The following TBCE variants were observed in gnomAD, a reference collection of about 807,000 sequenced individuals.
TBCE encodes the protein tubulin-specific chaperone E.
Under a neutral mutation model 77.0 loss-of-function variants are expected in TBCE, and 53 were observed. The ratio of observed to expected loss-of-function variants is 0.69; its 90% CI spans 0.55 to 0.87. The LOEUF (loss-of-function observed/expected upper bound fraction) is 0.87. Ranked by LOEUF, TBCE falls within the 40% of genes least tolerant of loss-of-function variation. The probability of loss-of-function intolerance (pLI) is 0.00; values close to 1 mark genes in which losing one functional copy is unlikely to be tolerated. For synonymous variants in TBCE, 235 were observed against 241.3 expected (o/e 0.97, Z 0.24); for missense variants, 624 against 622.4 (o/e 1.00, Z -0.03).
intron 2 of TBCE, among the ~76,000 whole-genome samples, chr1:235,400,981 G>A (rs1199145311): frequency 2.0e-5 from 3 of 151,826 alleles, no homozygotes; most frequent in Non-Finnish European, 4.4e-5. Context: ...TGGGACTACA[G>A]GCGTAAGCCA....
In TBCE at chr1:235,441,711, C is replaced by T. The variant is rs532669990; in HGVS notation, c.1271-103C>T. The T allele has an allele frequency of 4.7e-5, 50 of 1,060,872 alleles. No homozygotes were observed. The African/African-American group carries it at 6.3e-4, about 13-fold the overall frequency. The allele number at this position is 1,060,872 out of a possible 1,614,324, so 65.7% of individuals were successfully genotyped here. ...AGCTCCATGTGTCCTGGGAAAGGCA[C>T]AGGCTCTCTGGACGCTTACCTATCC... is the stretch of plus-strand genomic sequence containing the variant. On this transcript the variant is annotated intron_variant, in intron 13 of 16. Transcript: ENST00000642610.
chr1:235,435,664 A>G, intron 8 of TBCE, 81 bp from the exon 9 acceptor site: 1 of 1,369,514 alleles, frequency 7.3e-7, no homozygotes, highest in South Asian at 1.2e-5. Context: ...CCATCGCACC[A>G]AATGCAGGGA....
At chr1:235,394,325 C>T (rs1678592728) in intron 2 of TBCE, among the ~76,000 whole-genome samples, 1 of 151,686 alleles carries the variant, frequency 6.6e-6, no homozygotes, top group Admixed American at 6.6e-5. Flanking sequence ...CCACCTGCCT[C>T]GGCCTCCCAA....
In TBCE at chr1:235,422,743, C is replaced by T. The variant is rs552001796; in HGVS notation, c.460+3182C>T. On this transcript the variant is annotated intron_variant, in intron 5 of 16. Transcript: ENST00000642610. The stretch of plus-strand genomic sequence containing the variant: ...ACTTGGGAAGCTGAGGCAGGAGAAT[C>T]GCTTGAACCTGGGAGGCAGAGGTTG... Among the ~76,000 whole-genome samples the T allele has an allele frequency of 3.1e-3, 474 of 152,218 alleles. 2 individuals carry two copies. The highest frequency in any genetic ancestry group is 5.4e-3 in the Non-Finnish European group (367 of 68,006).
In TBCE at chr1:235,449,490, T is replaced by C. The variant is rs943810000; in HGVS notation, c.*728T>C. On this transcript the variant is annotated 3_prime_UTR_variant, in exon 17 of 17. Transcript: ENST00000642610. Reference sequence around the variant, plus strand: ...TTGCTTTTATTCATACTCACACAACTTTAGCATTTAAAAACTATGAGTACT... The same window carrying C: ...TTGCTTTTATTCATACTCACACAACCTTAGCATTTAAAAACTATGAGTACT... 1 of 152,758 alleles carries C rather than the reference T, an allele frequency of 6.5e-6. No homozygotes were observed. The highest frequency in any genetic ancestry group is 1.5e-5 in the Non-Finnish European group (1 of 68,490). The allele number at this position is 152,758 out of a possible 1,614,324, so 9.5% of individuals were successfully genotyped here. A position where few individuals can be genotyped will look rare whatever the true frequency, so the allele number is the denominator to read the frequency against.
At chr1:235,370,895 C>A (rs1202104299) in intron 1 of TBCE, among the ~76,000 whole-genome samples, 1 of 151,156 alleles carries the variant, frequency 6.6e-6, no homozygotes, top group African/African-American at 2.4e-5. Flanking sequence ...GCGCACGCCA[C>A]CACGCCCAGC....
intron 13 of TBCE, among the ~76,000 whole-genome samples, chr1:235,440,034 G>A (rs1458158546): frequency 6.6e-6 from 1 of 151,766 alleles, no homozygotes; most frequent in African/African-American, 2.4e-5. Flanking sequence ...GCAGTGCCGC[G>A]ATCTCCGCTC....
chr1:235,384,698 C>G (rs1170932401), intron 2 of TBCE, among the ~76,000 whole-genome samples: 3 of 151,870 alleles, frequency 2.0e-5, no homozygotes, highest in Non-Finnish European at 4.4e-5. Context: ...CTATTTGATT[C>G]TTCTCTCTTT....
intron 3 of TBCE, among the ~76,000 whole-genome samples, chr1:235,404,328 G>A (rs1679294248): frequency 6.6e-6 from 1 of 151,810 alleles, no homozygotes; most frequent in South Asian, 2.1e-4. Context: ...GTATGTGCCT[G>A]TTAGTACCAG....
At chr1:235,432,652 A>G (rs1183517268) in intron 7 of TBCE, among the ~76,000 whole-genome samples, 1 of 152,078 alleles carries the variant, frequency 6.6e-6, no homozygotes, top group African/African-American at 2.4e-5. Context: ...TCACCCTCCA[A>G]ATAAACTAGG....
intron 3 of TBCE, among the ~76,000 whole-genome samples, chr1:235,410,080 T>G (rs552072903): frequency 2.7e-4 from 40 of 148,332 alleles, no homozygotes; most frequent in African/African-American, 9.8e-4. Flanking sequence ...CCGGGCGTGG[T>G]GTTGCACGCC....
chr1:235,394,814 G>C (rs1178448892), intron 2 of TBCE, among the ~76,000 whole-genome samples: 1 of 152,136 alleles, frequency 6.6e-6, no homozygotes, highest in Non-Finnish European at 1.5e-5. Flanking sequence ...TGGGGCCCAA[G>C]TGATCGTCCC....
At chr1:235,387,008 C>T (rs1254873487) in intron 2 of TBCE, among the ~76,000 whole-genome samples, 1 of 152,166 alleles carries the variant, frequency 6.6e-6, no homozygotes, top group East Asian at 1.9e-4. Flanking sequence ...TGTTAGTTTT[C>T]CTTCTAACAG....
chr1:235,406,829 C>CTTTT (rs141351182), intron 3 of TBCE, among the ~76,000 whole-genome samples: 5 of 76,170 alleles, frequency 6.6e-5, no homozygotes, highest in South Asian at 4.6e-4. Context: ...TGCTCCTGGG[C>CTTTT]TTTTTTTTTT....
At chr1:235,412,750 G>A (rs952517531) in intron 3 of TBCE, among the ~76,000 whole-genome samples, 2 of 152,108 alleles carry the variant, frequency 1.3e-5, no homozygotes, top group African/African-American at 2.4e-5. Context: ...CTGTACGTAT[G>A]TTTATGTTAA....
intron 9 of TBCE, 184 bp from the exon 10 acceptor site, chr1:235,436,202 T>G: frequency 1.6e-6 from 1 of 637,598 alleles, no homozygotes; most frequent in Non-Finnish European, 2.8e-6. Context: ...GACTATGGAG[T>G]CATTAGAATA....
In TBCE at chr1:235,405,950, C is replaced by T. The variant is rs144684308; in HGVS notation, c.185+4363C>T. Among the ~76,000 whole-genome samples, 21 of 152,252 alleles carry T rather than the reference C, an allele frequency of 1.4e-4. No individual in the cohort carries two copies. The East Asian group carries it at 3.7e-3, about 27-fold the overall frequency. On this transcript the variant is annotated intron_variant, in intron 3 of 16. Coordinates refer to ENST00000642610, the MANE Select transcript of TBCE (RefSeq NM_003193.5). ...ATATGCGGTCCATTGTTGATCTACA[C>T]GTCATTATGTGGTGCATGACTGTAT...
intron 7 of TBCE, 43 bp downstream of exon 7, chr1:235,430,847 A>G: frequency 6.5e-7 from 1 of 1,533,568 alleles, no homozygotes; most frequent in Non-Finnish European, 9.0e-7. Flanking sequence ...ATAAGCAATT[A>G]AAAATGTTTG....
chr1:235,387,802 G>C (rs1034990148), intron 2 of TBCE, among the ~76,000 whole-genome samples: 1 of 152,140 alleles, frequency 6.6e-6, no homozygotes, highest in African/African-American at 2.4e-5. Flanking sequence ...GACCCCAAAA[G>C]AGGGTTCTTG....
Sources: allele counts gnomAD v4.1 joint callset (sites outside exome capture counted in the v4.1 genomes callset), GRCh38; gene constraint gnomAD v4.1.1; transcripts MANE v1.5; gene names NCBI Gene and HGNC (gene_info 2026-07-23, HGNC 2026-07-21).